The following GALNT17 variants were observed in gnomAD, a reference collection of about 807,000 sequenced individuals.
The protein encoded by GALNT17 is polypeptide N-acetylgalactosaminyltransferase 17, also known as UDP-GalNAc:polypeptide N-acetylgalactosaminyltransferase-like 3.
A neutral mutation model predicts 63.7 loss-of-function variants in GALNT17; 29 were observed. That is an observed-to-expected ratio of 0.46 (90% CI 0.34 to 0.62). GALNT17 has a LOEUF of 0.62. GALNT17 is among the 20% of genes least tolerant of loss of function. The pLI, the probability that GALNT17 is intolerant of heterozygous loss-of-function variation, is 0.01. For synonymous variants in GALNT17, 305 were observed against 318.3 expected, an observed-to-expected ratio of 0.96 and a Z score of 0.45; for missense variants, 603 against 799.6, an observed-to-expected ratio of 0.75 and a Z score of 2.97.
chr7:71,493,231 C>T (rs530927129), intron 5 of GALNT17, among the ~76,000 whole-genome samples: 1 of 152,224 alleles, frequency 6.6e-6, no homozygotes, highest in East Asian at 1.9e-4. Flanking sequence ...TGAGTGTAGG[C>T]ATGGGCTCCT....
chr7:71,573,779 G>A (rs967310080), intron 6 of GALNT17, among the ~76,000 whole-genome samples: 1 of 152,136 alleles, frequency 6.6e-6, no homozygotes, highest in Admixed American at 6.6e-5. Flanking sequence ...TTATTACCCA[G>A]GTAGTAAGCA....
intron 6 of GALNT17, among the ~76,000 whole-genome samples, chr7:71,606,224 G>A (rs1340011314): frequency 6.6e-6 from 1 of 150,856 alleles, no homozygotes; most frequent in Non-Finnish European, 1.5e-5. Context: ...TGAAGTGTTG[G>A]GATTACAGGC....
intron 1 of GALNT17, among the ~76,000 whole-genome samples, chr7:71,334,871 G>C (rs1791870212): frequency 1.3e-5 from 2 of 152,224 alleles, no homozygotes; most frequent in South Asian, 4.1e-4. Flanking sequence ...AAATCAATCT[G>C]TATGTCACTT....
At chr7:71,226,117 T>A (rs898117777) in intron 1 of GALNT17, among the ~76,000 whole-genome samples, 2 of 152,246 alleles carry the variant, frequency 1.3e-5, no homozygotes, top group African/African-American at 4.8e-5. Flanking sequence ...GAATTAACTA[T>A]CTTTAATTTG....
rs187941901 is a variant in GALNT17 at position 71,155,721 on chromosome 7, A to G, written c.238+22681A>G. On this transcript the variant is annotated intron_variant, in intron 1 of 10. Coordinates refer to ENST00000333538, the MANE Select transcript of GALNT17 (RefSeq NM_022479.3). ...AGAACCTGGAGAATTTGGTGTTTCT[A>G]TAAATAACACATCCTGGAAACCTAT... is the stretch of plus-strand genomic sequence containing the variant. 1.0e-3 allele frequency among the ~76,000 whole-genome samples: 152 copies of G among 151,844 alleles called. 3 individuals carry two copies. The highest frequency in any genetic ancestry group is 8.1e-3 in the Admixed American group (123 of 15,260).
chr7:71,475,082 T>C (rs536493209), intron 5 of GALNT17, among the ~76,000 whole-genome samples: 2 of 152,286 alleles, frequency 1.3e-5, no homozygotes, highest in Admixed American at 1.3e-4. Flanking sequence ...CTTGATTTTG[T>C]TCCCCAGTGA....
intron 3 of GALNT17, among the ~76,000 whole-genome samples, chr7:71,414,478 T>G (rs2116430989): frequency 6.6e-6 from 1 of 152,220 alleles, no homozygotes; most frequent in Non-Finnish European, 1.5e-5. Flanking sequence ...CTTTAATACC[T>G]CCCAAAGCTC....
At chr7:71,407,246 A>C (rs983245644) in intron 3 of GALNT17, among the ~76,000 whole-genome samples, 3 of 152,162 alleles carry the variant, frequency 2.0e-5, no homozygotes, top group African/African-American at 7.2e-5. Flanking sequence ...AGACAGAGGT[A>C]GACTTGGAAA....
At chr7:71,595,382 A>G (rs1348953925) in intron 6 of GALNT17, among the ~76,000 whole-genome samples, 1 of 151,682 alleles carries the variant, frequency 6.6e-6, no homozygotes, top group African/African-American at 2.4e-5. Flanking sequence ...GTGACCTATG[A>G]TGGTGTCACT....
intron 2 of GALNT17, among the ~76,000 whole-genome samples, chr7:71,336,161 T>C (rs1374409866): frequency 6.7e-6 from 1 of 150,032 alleles, no homozygotes; most frequent in Non-Finnish European, 1.5e-5. Flanking sequence ...TTCTCCTGCC[T>C]CAGCCTCCCG....
In GALNT17 at chr7:71,424,208, G is replaced by A. The variant is rs552742621; in HGVS notation, c.962+3103G>A. 2.6e-5 allele frequency among the ~76,000 whole-genome samples: 4 copies of A among 152,316 alleles called. No individual in the cohort carries two copies. The South Asian group carries it at 8.3e-4, about 32-fold the overall frequency. ...GGATATTTGAGCTTTAATGGCGAGT[G>A]CTTGAAGACATGTTGACCTTCAGAT... On this transcript the variant is annotated intron_variant, in intron 5 of 10. Coordinates refer to ENST00000333538, the MANE Select transcript of GALNT17 (RefSeq NM_022479.3).
intron 1 of GALNT17, among the ~76,000 whole-genome samples, chr7:71,305,715 T>A (rs1201066740): frequency 1.3e-5 from 2 of 152,178 alleles, no homozygotes; most frequent in Non-Finnish European, 2.9e-5. Flanking sequence ...GGCGACCTGA[T>A]GTCACCCAGA....
chr7:71,360,950 T>A (rs1792389124), intron 2 of GALNT17, among the ~76,000 whole-genome samples: 2 of 152,138 alleles, frequency 1.3e-5, no homozygotes, highest in African/African-American at 4.8e-5. Flanking sequence ...TTAAAAGACG[T>A]CCTTAAAAAT....
intron 1 of GALNT17, among the ~76,000 whole-genome samples, chr7:71,153,952 AAT>A (rs539294086): frequency 0.078 from 6,274 of 80,612 alleles, 146 homozygotes; most frequent in African/African-American, 0.1. Flanking sequence ...AAAATAAAAA[AAT>A]AAAAATGTAT....
chr7:71,349,796 C>T (rs1023296412), intron 2 of GALNT17, among the ~76,000 whole-genome samples: 2 of 152,162 alleles, frequency 1.3e-5, no homozygotes, highest in African/African-American at 4.8e-5. Flanking sequence ...TAATATTGAG[C>T]TCTCTGTAGC....
intron 3 of GALNT17, among the ~76,000 whole-genome samples, chr7:71,402,952 G>A (rs899565091): frequency 2.6e-5 from 4 of 152,142 alleles, no homozygotes; most frequent in Non-Finnish European, 5.9e-5. Context: ...CCTGTAAAGA[G>A]CCTTCCTAAT....
intron 3 of GALNT17, among the ~76,000 whole-genome samples, chr7:71,408,848 G>A (rs867218638): frequency 3.9e-5 from 6 of 152,122 alleles, no homozygotes; most frequent in Admixed American, 6.5e-5. Context: ...ACTCCAGCCT[G>A]GGCAACAAGG....
intron 6 of GALNT17, among the ~76,000 whole-genome samples, chr7:71,605,892 A>G (rs1409535607): frequency 6.6e-6 from 1 of 152,286 alleles, no homozygotes; most frequent in Non-Finnish European, 1.5e-5. Context: ...TGATTGATTG[A>G]CTGAGACAGG....
At chr7:71,692,878 A>C (rs1277746773) in intron 9 of GALNT17, among the ~76,000 whole-genome samples, 3 of 151,696 alleles carry the variant, frequency 2.0e-5, no homozygotes, top group Non-Finnish European at 4.4e-5. Flanking sequence ...AACTGGGATT[A>C]CAGGTGCCCG....
Sources: allele counts gnomAD v4.1 joint callset (sites outside exome capture counted in the v4.1 genomes callset), GRCh38; gene constraint gnomAD v4.1.1; transcripts MANE v1.5; gene names NCBI Gene and HGNC (gene_info 2026-07-23, HGNC 2026-07-21).